The following VPS13D variants were observed in gnomAD, a reference collection of about 807,000 sequenced individuals.
VPS13D encodes the protein vacuolar protein sorting 13 homolog D.
In VPS13D, 187 loss-of-function variants were observed where a neutral mutation model predicts 461.9. The ratio of observed to expected loss-of-function variants is 0.40; its 90% CI spans 0.36 to 0.46. The LOEUF (loss-of-function observed/expected upper bound fraction) is 0.46. Ranked by LOEUF, VPS13D falls within the 20% of genes least tolerant of loss-of-function variation. VPS13D has a pLI of 0.60. For synonymous variants in VPS13D, 1,951 were observed against 1,986.3 expected (o/e 0.98, Z 0.47); for missense variants, 4,711 against 5,364.9 (o/e 0.88, Z 3.81).
intron 13 of VPS13D, among the ~76,000 whole-genome samples, chr1:12,262,743 G>A (rs546612389): frequency 8.4e-4 from 125 of 149,384 alleles, no homozygotes; most frequent in Admixed American, 1.9e-3. Context: ...TTGCTCTGTC[G>A]CCTAGGCTGC....
chr1:12,438,830 G>A (rs959002141), intron 65 of VPS13D, among the ~76,000 whole-genome samples: 4 of 152,214 alleles, frequency 2.6e-5, no homozygotes, highest in African/African-American at 4.8e-5. Context: ...GCCAGGCATA[G>A]CGCTAGCCAC....
intron 60 of VPS13D, among the ~76,000 whole-genome samples, chr1:12,395,543 A>C (rs1300385727): frequency 6.6e-6 from 1 of 152,188 alleles, no homozygotes; most frequent in African/African-American, 2.4e-5. Context: ...CACTTAGGGC[A>C]ATCTTAGCAG....
At chr1:12,427,387 A>T (rs1215951364) in intron 65 of VPS13D, among the ~76,000 whole-genome samples, 1 of 151,764 alleles carries the variant, frequency 6.6e-6, no homozygotes, top group Non-Finnish European at 1.5e-5. Context: ...ACTTCTTCCT[A>T]GCTCCCCTGA....
At chr1:12,458,782 T>G (rs1285670858) in intron 66 of VPS13D, among the ~76,000 whole-genome samples, 2 of 152,200 alleles carry the variant, frequency 1.3e-5, no homozygotes, top group Non-Finnish European at 2.9e-5. Context: ...GTCCTGGAGA[T>G]GCTCCCTAGA....
At chr1:12,267,661 G>A (rs1641313242) in intron 14 of VPS13D, among the ~76,000 whole-genome samples, 184 bp from the exon 15 acceptor site, 1 of 152,018 alleles carries the variant, frequency 6.6e-6, no homozygotes, top group African/African-American at 2.4e-5. Flanking sequence ...GAAAAGATGT[G>A]GTCTCACTAG....
intron 25 of VPS13D, among the ~76,000 whole-genome samples, chr1:12,303,789 A>G (rs959166248): frequency 2.2e-4 from 33 of 152,232 alleles, no homozygotes; most frequent in African/African-American, 7.5e-4. Flanking sequence ...CGAGGCCTCC[A>G]TGAAGAAGCC....
At chr1:12,356,355 A>G in intron 48 of VPS13D, 43 bp from the exon 49 acceptor site, 2 of 1,583,430 alleles carry the variant, frequency 1.3e-6, no homozygotes, top group East Asian at 2.2e-5. Flanking sequence ...TCTTTCAGAT[A>G]GACTGGGTGG....
chr1:12,491,862 G>A (rs187871810), intron 67 of VPS13D, among the ~76,000 whole-genome samples: 4 of 152,312 alleles, frequency 2.6e-5, no homozygotes, highest in East Asian at 3.9e-4. Context: ...TTTGTAAACC[G>A]CAGCAGCTGA....
At chr1:12,312,044 A>AAT in intron 29 of VPS13D, 119 bp downstream of exon 29, 4 of 805,818 alleles carry the variant, frequency 5.0e-6, no homozygotes, top group Non-Finnish European at 7.8e-6. Flanking sequence ...TGTTGTCTGC[A>AAT]GAGTGTCTTT....
intron 68 of VPS13D, among the ~76,000 whole-genome samples, chr1:12,499,097 T>G (rs1429952897): frequency 6.6e-6 from 1 of 152,086 alleles, no homozygotes; most frequent in East Asian, 1.9e-4. Flanking sequence ...CTCTTGATAT[T>G]GCTTTGTAGA....
intron 44 of VPS13D, among the ~76,000 whole-genome samples, chr1:12,346,920 A>C (rs764842232): frequency 9.2e-5 from 14 of 152,236 alleles, no homozygotes; most frequent in Non-Finnish European, 1.3e-4. Context: ...TTTTCATTCT[A>C]AGTTAAAATA....
intron 35 of VPS13D, among the ~76,000 whole-genome samples, chr1:12,326,550 G>A (rs539335710): frequency 2.6e-5 from 4 of 151,602 alleles, no homozygotes; most frequent in South Asian, 4.2e-4. Context: ...TGCCCAGGCT[G>A]GTCTCAAATT....
At chr1:12,482,081 C>T (rs957465668) in intron 67 of VPS13D, among the ~76,000 whole-genome samples, 6 of 152,270 alleles carry the variant, frequency 3.9e-5, no homozygotes, top group East Asian at 3.9e-4. Context: ...AAAGCAAGAC[C>T]GTGCTGGAGA....
Position 12,473,283 on chromosome 1 carries a change from C to T in VPS13D, c.12662+12887C>T, listed in dbSNP as rs1224746006. Among the ~76,000 whole-genome samples the T allele has an allele frequency of 2.0e-5, 3 of 151,990 alleles. No individual in the cohort carries two copies. The highest frequency in any genetic ancestry group is 4.4e-5 in the Non-Finnish European group (3 of 67,992). On this transcript the variant is annotated intron_variant, in intron 67 of 69. Transcript: ENST00000620676. This position sits in a 1 kb window ranked among gnomAD's most constrained non-coding sequence, Gnocchi z 4.2. Reference sequence around the variant, plus strand: ...GTTTCAGAAAAAGATGTGGAAAGGACGTAAAATCACAGGTTCTTCCCCAGT... The same window carrying T: ...GTTTCAGAAAAAGATGTGGAAAGGATGTAAAATCACAGGTTCTTCCCCAGT...
intron 67 of VPS13D, among the ~76,000 whole-genome samples, chr1:12,491,806 TTAGC>T (rs1557474328): frequency 1.3e-5 from 2 of 152,244 alleles, no homozygotes; most frequent in African/African-American, 4.8e-5. Flanking sequence ...ACATTCTGGA[TTAGC>T]TGGTTGACTG....
chr1:12,349,951 TA>T (rs1643759981), intron 46 of VPS13D, among the ~76,000 whole-genome samples: 4 of 152,236 alleles, frequency 2.6e-5, no homozygotes, highest in Non-Finnish European at 5.9e-5. Context: ...GGATTAGCTT[TA>T]GTTTCTTTTA....
intron 18 of VPS13D, among the ~76,000 whole-genome samples, chr1:12,274,086 G>T (rs1309918553): frequency 6.6e-6 from 1 of 152,122 alleles, no homozygotes; most frequent in African/African-American, 2.4e-5. Flanking sequence ...TGTCGCCCAG[G>T]CTGGAGTGTG....
In VPS13D at chr1:12,282,945, T is replaced by C. The variant is rs1641832587; in HGVS notation, c.4843T>C (p.Phe1615Leu). 1.2e-6 allele frequency: 2 copies of C among 1,614,152 alleles called. No homozygotes were observed. The highest frequency in any genetic ancestry group is 3.3e-5 in the Admixed American group (2 of 60,014). Reference protein sequence around the residue: ...KSLSVKEVKSFTQIQATFCIS... With the variant: ...KSLSVKEVKSLTQIQATFCIS... ...ATTGTCAGTGAAGGAAGTCAAATCC[T>C]TTACTCAGATTCAAGCCACCTTTTG... Residue 1615 changes from phenylalanine to leucine, a missense_variant, in exon 21 of 70, where the codon TTT becomes CTT. By Grantham distance (22) the Phe-to-Leu change is conservative (BLOSUM62 0). Coordinates refer to ENST00000620676, the MANE Select transcript of VPS13D (RefSeq NM_015378.4).
intron 67 of VPS13D, among the ~76,000 whole-genome samples, chr1:12,487,815 T>C (rs1645819710): frequency 6.6e-6 from 1 of 152,216 alleles, no homozygotes; most frequent in Admixed American, 6.5e-5. Context: ...CGTACTAAGA[T>C]TGTGTTACAA....
Sources: gnomAD v4.1 joint callset for allele counts (sites outside exome capture counted in the v4.1 genomes callset) on GRCh38, gnomAD v4.1.1 for gene constraint, Gnocchi (gnomAD v3.1) non-coding constraint, MANE v1.5 for transcripts, NCBI Gene and HGNC (gene_info 2026-07-23, HGNC 2026-07-21) for gene names.